Variants in GUCY2C observed in about 807,000 individuals in gnomAD.
The protein encoded by GUCY2C is guanylyl cyclase C.
A neutral mutation model predicts 131.1 loss-of-function variants in GUCY2C; 118 were observed. That is an observed-to-expected ratio of 0.90 (90% confidence interval 0.78 to 1.05). The LOEUF (loss-of-function observed/expected upper bound fraction) is 1.05. Ranked by LOEUF, GUCY2C falls within the 50% of genes least tolerant of loss-of-function variation. GUCY2C has a pLI of 0.00. For synonymous variants in GUCY2C, 452 were observed against 457.8 expected, an observed-to-expected ratio of 0.99 and a Z score of 0.16; for missense variants, 1,161 against 1,304.4, an observed-to-expected ratio of 0.89 and a Z score of 1.69.
At chr12:14,644,481 T>C (rs904197398) in intron 16 of GUCY2C, among the ~76,000 whole-genome samples, 2 of 152,252 alleles carry the variant, frequency 1.3e-5, no homozygotes, top group Non-Finnish European at 2.9e-5. Flanking sequence ...AGGAGTGACG[T>C]GTGTGGCAAA....
chr12:14,689,645 T>G (rs1369193116), intron 1 of GUCY2C, among the ~76,000 whole-genome samples: 1 of 152,172 alleles, frequency 6.6e-6, no homozygotes, highest in Non-Finnish European at 1.5e-5. Context: ...GAAGCCGTGA[T>G]TATCTCATCC....
intron 5 of GUCY2C, among the ~76,000 whole-genome samples, chr12:14,679,994 T>C (rs1948317446): frequency 6.6e-6 from 1 of 152,000 alleles, no homozygotes; most frequent in African/African-American, 2.4e-5. Context: ...ATTTTATAGA[T>C]TTAAGGAGGC....
At chr12:14,616,757 C>T (rs1565602748) in intron 24 of GUCY2C, 30 bp from the exon 25 acceptor site, 1 of 1,212,244 alleles carries the variant, frequency 8.2e-7, no homozygotes, top group Non-Finnish European at 1.2e-6. Flanking sequence ...AATAAAAATC[C>T]CAGCTAGTAC....
intron 6 of GUCY2C, among the ~76,000 whole-genome samples, chr12:14,677,540 G>A (rs766437309): frequency 6.6e-5 from 10 of 151,670 alleles, no homozygotes; most frequent in Admixed American, 5.9e-4. Context: ...AAATGCTATG[G>A]TTTATTTTTA....
chr12:14,636,140 T>C (rs984617816), intron 19 of GUCY2C, among the ~76,000 whole-genome samples: 1 of 151,720 alleles, frequency 6.6e-6, no homozygotes, highest in Non-Finnish European at 1.5e-5. Flanking sequence ...CAGACAAGGA[T>C]ACAACAAAAA....
At chr12:14,621,020 G>A in intron 23 of GUCY2C, 22 bp downstream of exon 23, 5 of 1,603,476 alleles carry the variant, frequency 3.1e-6, no homozygotes, top group Non-Finnish European at 4.3e-6. Context: ...TTCCCAATTT[G>A]CTAAGATGCT....
At chr12:14,636,756 T>C (rs1947278012) in intron 19 of GUCY2C, among the ~76,000 whole-genome samples, 2 of 152,032 alleles carry the variant, frequency 1.3e-5, no homozygotes, top group African/African-American at 4.8e-5. Flanking sequence ...ACCAAAAAGC[T>C]CTTAGATATG....
intron 19 of GUCY2C, among the ~76,000 whole-genome samples, chr12:14,629,352 A>G (rs1947094913): frequency 6.6e-6 from 1 of 152,170 alleles, no homozygotes; most frequent in African/African-American, 2.4e-5. Flanking sequence ...AGCAGGAGAC[A>G]AGATAAGGGT....
At chr12:14,649,801 A>G (rs150807611) in intron 15 of GUCY2C, among the ~76,000 whole-genome samples, 119 of 152,286 alleles carry the variant, frequency 7.8e-4, no homozygotes, top group African/African-American at 2.7e-3. Context: ...TTTAATTTCA[A>G]TGAGACAGAA....
At chr12:14,617,921 AGTCT>A (rs1296609480) in intron 24 of GUCY2C, among the ~76,000 whole-genome samples, 2 of 152,182 alleles carry the variant, frequency 1.3e-5, no homozygotes, top group African/African-American at 4.8e-5. Flanking sequence ...TTGTAACCCA[AGTCT>A]GTCTGACCCC....
chr12:14,641,335 T>G, intron 17 of GUCY2C, 116 bp from the exon 18 acceptor site: 1 of 1,044,446 alleles, frequency 9.6e-7, no homozygotes. Context: ...GGGTGATAGC[T>G]TATAAGTGGC....
intron 15 of GUCY2C, among the ~76,000 whole-genome samples, chr12:14,649,702 A>T (rs1250782102): frequency 5.3e-5 from 8 of 152,208 alleles, no homozygotes; most frequent in Non-Finnish European, 1.2e-4. Flanking sequence ...ATTGATACTG[A>T]TAAAATAAAT....
intron 6 of GUCY2C, among the ~76,000 whole-genome samples, chr12:14,677,183 C>T (rs529181296): frequency 3.2e-4 from 49 of 152,242 alleles, no homozygotes; most frequent in Admixed American, 2.6e-3. Context: ...GGTTAACATA[C>T]ACAAAAGGAA....
intron 7 of GUCY2C, among the ~76,000 whole-genome samples, chr12:14,675,997 C>A (rs529782994): frequency 6.7e-4 from 102 of 152,312 alleles, no homozygotes; most frequent in Admixed American, 1.2e-3. Flanking sequence ...GGACTTAGAA[C>A]TTCTAGCTGG....
At chr12:14,616,153 C>T (rs1008945192) in intron 25 of GUCY2C, among the ~76,000 whole-genome samples, 3 of 152,040 alleles carry the variant, frequency 2.0e-5, no homozygotes, top group African/African-American at 7.2e-5. Flanking sequence ...TGCATTTTAA[C>T]AAGCTTCCAG....
chr12:14,613,048 G>A lies in GUCY2C; in HGVS notation c.*69C>T. ...GTCTCAGGAAAATGTAAGCTTTCAG[G>A]ACACTTGAGGTCGCTGCCTCAGTGC... On this transcript the variant is annotated 3_prime_UTR_variant, in exon 27 of 27. Transcript: ENST00000261170. This position sits in a 1 kb window ranked among gnomAD's most constrained non-coding sequence, Gnocchi z 4.9. 7.8e-7 allele frequency: 1 copy of A among 1,278,142 alleles called. No homozygotes were observed. Among genetic ancestry groups the A allele is most frequent in the Non-Finnish European group, 1.1e-6 (1 of 886,660 alleles). The allele number at this position is 1,278,142 out of a possible 1,614,324, so 79.2% of individuals were successfully genotyped here.
At position 14,645,398 on chromosome 12, in the gene GUCY2C, T is replaced by C; in HGVS notation, c.1711-83A>G. 3 of 687,908 alleles carry C rather than the reference T, an allele frequency of 4.4e-6. No homozygotes were observed. The Admixed American group carries it at 7.2e-5, about 17-fold the overall frequency. The allele number at this position is 687,908 out of a possible 1,614,324, so 42.6% of individuals were successfully genotyped here. ...GACTATTATGAAACAAATAATGATC[T>C]TCAAATTATGAAACCTTAGGATCAG... On this transcript the variant is annotated intron_variant, in intron 15 of 26. Transcript: ENST00000261170.
chr12:14,674,362 T>G, intron 8 of GUCY2C: 1 of 485,402 alleles, frequency 2.1e-6, no homozygotes, highest in East Asian at 3.9e-5. Context: ...TGCCTTATGA[T>G]GAGCTTGTTC....
intron 11 of GUCY2C, among the ~76,000 whole-genome samples, chr12:14,658,549 G>T (rs577293615): frequency 6.6e-6 from 1 of 152,192 alleles, no homozygotes; most frequent in South Asian, 2.1e-4. Context: ...GGTGGTACAC[G>T]CCTGTAATTG....
Sources: allele counts gnomAD v4.1 joint callset (sites outside exome capture counted in the v4.1 genomes callset), GRCh38; gene constraint gnomAD v4.1.1; non-coding constraint Gnocchi (gnomAD v3.1); transcripts MANE v1.5; gene names NCBI Gene and HGNC (gene_info 2026-07-23, HGNC 2026-07-21).